Variants in DNAJC14 observed in about 807,000 individuals in gnomAD.
DNAJC14 encodes the protein dnaJ homolog subfamily C member 14.
In DNAJC14, 12 loss-of-function variants were observed where a neutral mutation model predicts 68.8. The observed-to-expected ratio is 0.17, with a 90% CI of 0.11 to 0.28. The LOEUF (loss-of-function observed/expected upper bound fraction) is 0.28, where lower values mean the gene tolerates loss of function less well. DNAJC14 is among the 10% of genes least tolerant of loss of function. DNAJC14 has a pLI of 1.00. For missense variants in DNAJC14, 764 were observed against 875.6 expected (o/e 0.87, Z 1.61); for synonymous variants, 350 against 321.5 (o/e 1.09, Z -0.95).
rs764137824 is a variant in DNAJC14, at chr12:55,828,676, AGGG to A, written c.-21_-19del. On this transcript the variant is annotated 5_prime_UTR_variant, in exon 2 of 7. Coordinates refer to ENST00000678005, the MANE Select transcript of DNAJC14 (RefSeq NM_032364.6). ...TGGGCCATGACCCCGGGGCTTCCTG[AGGG>A]TCTTAGGTCACAGCCATCATGGTGT... 5.6e-6 allele frequency: 9 copies of A among 1,603,000 alleles called. No individual in the cohort carries two copies. Among genetic ancestry groups the A allele is most frequent in the Non-Finnish European group, 7.7e-6 (9 of 1,173,632 alleles).
At chr12:55,823,048 TC>T (rs1187173715) in intron 4 of DNAJC14, 21 bp downstream of exon 4, 1 of 1,612,724 alleles carries the variant, frequency 6.2e-7, no homozygotes, top group Admixed American at 1.7e-5. Context: ...GATTGTCCCA[TC>T]CCTCTCCTTC....
Position 55,822,424 on chromosome 12 carries a change from G to A in DNAJC14, c.1847C>T (p.Pro616Leu). 6.2e-7 allele frequency: 1 copy of A among 1,613,618 alleles called. No homozygotes were observed. The highest frequency in any genetic ancestry group is 8.5e-7 in the Non-Finnish European group (1 of 1,180,038). ...VGISPDTHRVPYHISFGSRIP... is the reference protein window; with the variant it reads ...VGISPDTHRVLYHISFGSRIP... Reference sequence around the variant, plus strand: ...CCGAGAACCAAATGAGATGTGATAGGGGACTCTGTGGGTATCTGGGGAGAT... The same window carrying A: ...CCGAGAACCAAATGAGATGTGATAGAGGACTCTGTGGGTATCTGGGGAGAT... The change falls in exon 6 of 7, where the codon CCC becomes CTC. Residue 616 changes from proline (P) to leucine (L), a missense_variant. Around this residue, in one of 4 missense-constraint regions of DNAJC14, gnomAD observed 134 missense variants for 162.3 expected, o/e 0.83. Coordinates refer to ENST00000678005, the MANE Select transcript of DNAJC14 (RefSeq NM_032364.6).
At chr12:55,827,197 A>G in intron 2 of DNAJC14, 55 bp downstream of exon 2, 3 of 1,389,798 alleles carry the variant, frequency 2.2e-6, no homozygotes, top group Non-Finnish European at 2.8e-6. Context: ...TCTCAAAAAA[A>G]AAAAAAAAAA....
Position 55,822,743 on chromosome 12 carries a change from C to A in DNAJC14, c.1635-11G>T. 1 of 1,613,562 alleles carries A rather than the reference C, an allele frequency of 6.2e-7. No homozygotes were observed. The highest frequency in any genetic ancestry group is 8.5e-7 in the Non-Finnish European group (1 of 1,179,696). On this transcript the variant is annotated splice_polypyrimidine_tract_variant and intron_variant, in intron 4 of 6. Transcript: ENST00000678005. ...TCCATTTCAAACCTCCTGCAACCAA[C>A]AAAAGGATAGTTCCTTAATAATTTG...
In DNAJC14 at chr12:55,822,604, G is replaced by A. The variant is rs930586916; in HGVS notation, c.1763C>T (p.Ala588Val). ...GTCATACACCTTTCCATCCATCAGT[G>A]CAAAGTAGGTGATCTTGAGGCCCAA... ...SMLGLKITYF[A>V]LMDGKVYDIT... The change falls in exon 5 of 7, where the codon GCA (alanine) becomes GTA (valine). Residue 588 changes from alanine to valine, a missense_variant. Coordinates refer to ENST00000678005, the MANE Select transcript of DNAJC14 (RefSeq NM_032364.6). 1 of 1,614,090 alleles carries A rather than the reference G, an allele frequency of 6.2e-7. No homozygotes were observed. The highest frequency in any genetic ancestry group is 8.5e-7 in the Non-Finnish European group (1 of 1,180,044).
At chr12:55,824,059 T>C (rs1188335360) in intron 2 of DNAJC14, among the ~76,000 whole-genome samples, 1 of 151,820 alleles carries the variant, frequency 6.6e-6, no homozygotes, top group Non-Finnish European at 1.5e-5. Flanking sequence ...TCATGGATTG[T>C]TGGGAGGATT....
chr12:55,823,042 G>A lies in DNAJC14; in HGVS notation c.1634+28C>T, dbSNP rs2136216807. Reference sequence around the variant, plus strand: ...GTTACATAATCCCTGAGCTGTGATTGTCCCATCCCTCTCCTTCTATTTCAT... The same window carrying A: ...GTTACATAATCCCTGAGCTGTGATTATCCCATCCCTCTCCTTCTATTTCAT... On this transcript the variant is annotated intron_variant, in intron 4 of 6. Transcript: ENST00000678005. The A allele has an allele frequency of 1.9e-6, 3 of 1,612,106 alleles. No individual in the cohort carries two copies. The East Asian group carries it at 6.7e-5, about 36-fold the overall frequency.
Position 55,828,717 on chromosome 12 carries a change from G to T in DNAJC14, c.-56-3C>A. 1 of 1,527,306 alleles carries T rather than the reference G, an allele frequency of 6.5e-7. No individual in the cohort carries two copies. Among genetic ancestry groups the T allele is most frequent in the Non-Finnish European group, 8.8e-7 (1 of 1,136,004 alleles). The allele number at this position is 1,527,306 out of a possible 1,614,324, so 94.6% of individuals were successfully genotyped here. A position where few individuals can be genotyped will look rare whatever the true frequency, so the allele number is the denominator to read the frequency against. ...GCCATCATGGTGTGTTCTGATGCCT[G>T]TAACAGATATCAAGGTGGAGACAGT... On this transcript the variant is annotated splice_polypyrimidine_tract_variant and splice_region_variant and intron_variant, in intron 1 of 6. Coordinates refer to ENST00000678005, the MANE Select transcript of DNAJC14 (RefSeq NM_032364.6).
At chr12:55,822,535 G>T in intron 5 of DNAJC14, 37 bp downstream of exon 5, 1 of 1,613,852 alleles carries the variant, frequency 6.2e-7, no homozygotes, top group Non-Finnish European at 8.5e-7. Context: ...AAAAGATCAG[G>T]AAGTATGAGC....
At position 55,828,763 on chromosome 12, in the gene DNAJC14, G is replaced by A. The variant is rs947470331; in HGVS notation, c.-56-49C>T. 4.7e-5 allele frequency: 68 copies of A among 1,433,738 alleles called. No individual in the cohort carries two copies. The Admixed American group carries it at 4.8e-4, about 10-fold the overall frequency. The allele number at this position is 1,433,738 out of a possible 1,614,324, so 88.8% of individuals were successfully genotyped here. On this transcript the variant is annotated intron_variant, in intron 1 of 6. Coordinates refer to ENST00000678005, the MANE Select transcript of DNAJC14 (RefSeq NM_032364.6). ...ACAGTCAAGGATGAGACCAAGAGAG[G>A]AATTAAACAATCTCAAATAGTGGAC...
Position 55,827,710 on chromosome 12 carries a change from C to T in DNAJC14, c.949G>A (p.Val317Ile). 6.2e-7 allele frequency: 1 copy of T among 1,614,220 alleles called. No individual in the cohort carries two copies. The highest frequency in any genetic ancestry group is 8.5e-7 in the Non-Finnish European group (1 of 1,180,040). Residue 317 changes from valine (V) to isoleucine (I), a missense_variant, in exon 2 of 7, where the codon GTA (valine) becomes ATA (isoleucine). This residue lies in a region of DNAJC14 where 514 missense variants were observed against 521.7 expected (regional missense o/e 0.99). Transcript: ENST00000678005. ...QFLSQGFYCG[V>I]GLFTRFLKLL... ...TTAAGAAAACGAGTAAACAGTCCTACTCCACAGTAAAACCCCTGGCTTAGA... is the reference window on the plus strand; with the variant it reads ...TTAAGAAAACGAGTAAACAGTCCTATTCCACAGTAAAACCCCTGGCTTAGA...
At chr12:55,826,583 T>C (rs1242444174) in intron 2 of DNAJC14, among the ~76,000 whole-genome samples, 1 of 151,988 alleles carries the variant, frequency 6.6e-6, no homozygotes, top group Non-Finnish European at 1.5e-5. Context: ...GAGCGGATCA[T>C]GAGGTCAGGA....
chr12:55,826,942 C>T (rs928581467), intron 2 of DNAJC14, among the ~76,000 whole-genome samples: 2 of 152,024 alleles, frequency 1.3e-5, no homozygotes, highest in Non-Finnish European at 2.9e-5. Flanking sequence ...GTAATCACAG[C>T]ACTTTGGGAG....
Position 55,829,525 on chromosome 12 carries a change from C to G in DNAJC14, c.-93G>C, listed in dbSNP as rs996572686. 3 of 985,294 alleles carry G rather than the reference C, an allele frequency of 3.0e-6. No homozygotes were observed. Among genetic ancestry groups the G allele is most frequent in the African/African-American group, 1.7e-5 (1 of 57,226 alleles). 61.0% of individuals were successfully genotyped at this position (985,294 alleles called of 1,614,324 possible). ...GGTAACTCCTCCCCCTCGAGCCGCCCGGCCTGGGGCCAGGGTGAGCTACGA... is the reference window on the plus strand; with the variant it reads ...GGTAACTCCTCCCCCTCGAGCCGCCGGGCCTGGGGCCAGGGTGAGCTACGA... On this transcript the variant is annotated 5_prime_UTR_variant, in exon 1 of 7. Coordinates refer to ENST00000678005, the MANE Select transcript of DNAJC14 (RefSeq NM_032364.6).
rs1022334305 is a variant in DNAJC14, at chr12:55,829,532, G to A, written c.-100C>T. 1 of 985,024 alleles carries A rather than the reference G, an allele frequency of 1.0e-6. No individual in the cohort carries two copies. The highest frequency in any genetic ancestry group is 1.7e-5 in the African/African-American group (1 of 57,156). The allele number at this position is 985,024 out of a possible 1,614,324, so 61.0% of individuals were successfully genotyped here. On this transcript the variant is annotated 5_prime_UTR_variant, in exon 1 of 7. Coordinates refer to ENST00000678005, the MANE Select transcript of DNAJC14 (RefSeq NM_032364.6). Reference sequence around the variant, plus strand: ...CCTCCCCCTCGAGCCGCCCGGCCTGGGGCCAGGGTGAGCTACGAGAGCCGC... The same window carrying A: ...CCTCCCCCTCGAGCCGCCCGGCCTGAGGCCAGGGTGAGCTACGAGAGCCGC...
chr12:55,824,832 T>G (rs1203750676), intron 2 of DNAJC14, among the ~76,000 whole-genome samples: 1 of 151,960 alleles, frequency 6.6e-6, no homozygotes, highest in Non-Finnish European at 1.5e-5. Flanking sequence ...TGTTACCCAC[T>G]CTAAGAATAC....
rs576089387 is a variant in DNAJC14, at chr12:55,826,717, G to A, written c.1407+535C>T. Among the ~76,000 whole-genome samples, 21 of 150,786 alleles carry A rather than the reference G, an allele frequency of 1.4e-4. 1 individual carries two copies. Among genetic ancestry groups the A allele is most frequent in the Non-Finnish European group, 3.0e-4 (20 of 67,596 alleles). Reference sequence around the variant, plus strand: ...CGGGAGGCTGAGGCAGGAGAATGGCGTGAACCCGGGAGGCGGAGTTTGCGT... The same window carrying A: ...CGGGAGGCTGAGGCAGGAGAATGGCATGAACCCGGGAGGCGGAGTTTGCGT... On this transcript the variant is annotated intron_variant, in intron 2 of 6. Coordinates refer to ENST00000678005, the MANE Select transcript of DNAJC14 (RefSeq NM_032364.6).
In DNAJC14 at chr12:55,821,862, TAAAA is replaced by T; in HGVS notation, c.*111_*114del. 8.2e-7 allele frequency: 1 copy of T among 1,212,860 alleles called. No homozygotes were observed. The highest frequency in any genetic ancestry group is 1.1e-6 in the Non-Finnish European group (1 of 878,936). 75.1% of individuals were successfully genotyped at this position (1,212,860 alleles called of 1,614,324 possible). A position where few individuals can be genotyped will look rare whatever the true frequency, so the allele number is the denominator to read the frequency against. ...CAGAGCAAGACTCCATCTCAAAAAA[TAAAA>T]AGAAAAAGATTCAGTTCCTAGGTGT... On this transcript the variant is annotated 3_prime_UTR_variant, in exon 7 of 7. Coordinates refer to ENST00000678005, the MANE Select transcript of DNAJC14 (RefSeq NM_032364.6).
In DNAJC14 at chr12:55,827,237, CAG is replaced by C. The variant is rs1880822208; in HGVS notation, c.1407+13_1407+14del. 1 of 1,397,064 alleles carries C rather than the reference CAG, an allele frequency of 7.2e-7. No homozygotes were observed. Among genetic ancestry groups the C allele is most frequent in the Non-Finnish European group, 9.3e-7 (1 of 1,069,556 alleles). The allele number at this position is 1,397,064 out of a possible 1,614,324, so 86.5% of individuals were successfully genotyped here. ...GGGAACAAAAGAGAGAAACAGGAAACAGAAGGGTACTCACCATCACTGCCAGC... is the reference window on the plus strand; with the variant it reads ...GGGAACAAAAGAGAGAAACAGGAAACAAGGGTACTCACCATCACTGCCAGC... On this transcript the variant is annotated intron_variant, in intron 2 of 6. Coordinates refer to ENST00000678005, the MANE Select transcript of DNAJC14 (RefSeq NM_032364.6).
Sources: gnomAD v4.1 joint callset for allele counts (sites outside exome capture counted in the v4.1 genomes callset) on GRCh38, gnomAD v4.1.1 for gene constraint, gnomAD v4.1.1 regional missense constraint, MANE v1.5 for transcripts, NCBI Gene and HGNC (gene_info 2026-07-23, HGNC 2026-07-21) for gene names.